Variants in FMR1NB observed in about 807,000 individuals in gnomAD.
FMR1NB encodes FMR1 neighbor.
Under a neutral mutation model 16.8 loss-of-function variants are expected in FMR1NB, and 10 were observed. The observed-to-expected ratio is 0.60, with a 90% CI of 0.37 to 1.01. The LOEUF is 1.01. FMR1NB is among the 50% of genes least tolerant of loss of function. The pLI is 0.01. For synonymous variants in FMR1NB, 83 were observed against 79.1 expected (o/e 1.05, Z -0.26); for missense variants, 205 against 204.8 (o/e 1.00, Z 0.00).
At chrX:148,011,620 G>C (rs1031061165) in intron 4 of FMR1NB, among the ~76,000 whole-genome samples, 1 of 111,494 alleles carries the variant, frequency 9.0e-6, no homozygotes, top group African/African-American at 3.3e-5. Context: ...GTGGAGATCA[G>C]GTTAAGTAGG....
In FMR1NB at chrX:148,014,392, C is replaced by G. The variant is rs2044639696; in HGVS notation, c.632+5681C>G. On this transcript the variant is annotated intron_variant, in intron 4 of 5. Coordinates refer to ENST00000370467, the MANE Select transcript of FMR1NB (RefSeq NM_152578.3). ...GCAATGTCTTGCCAGACTCATCTTC[C>G]TGAAATATCTCTATTTCATTTCATT... 3.6e-5 allele frequency among the ~76,000 whole-genome samples: 4 copies of G among 112,112 alleles called. No homozygotes were observed. The Admixed American group carries it at 3.8e-4, about 11-fold the overall frequency.
intron 5 of FMR1NB, chrX:148,026,072 T>G (rs2044702246): frequency 9.0e-6 from 1 of 111,645 alleles, no homozygotes; most frequent in African/African-American, 3.2e-5. Context: ...CATATTTACT[T>G]AAGGTAACAC....
intron 1 of FMR1NB, among the ~76,000 whole-genome samples, chrX:148,000,353 T>C (rs1165903995): frequency 1.8e-5 from 2 of 111,975 alleles, no homozygotes; most frequent in Non-Finnish European, 3.8e-5. Context: ...CCTATATTGT[T>C]TCATCTGTTT....
intron 4 of FMR1NB, among the ~76,000 whole-genome samples, chrX:148,022,974 A>C (rs1189548328): frequency 9.0e-6 from 1 of 111,641 alleles, no homozygotes; most frequent in African/African-American, 3.3e-5. Flanking sequence ...GCAAACCTAA[A>C]AATTTTGTTG....
chrX:148,007,774 ATATCT>A (rs1220090473), intron 3 of FMR1NB, among the ~76,000 whole-genome samples: 4 of 112,383 alleles, frequency 3.6e-5, no homozygotes, highest in African/African-American at 1.3e-4. Flanking sequence ...ATGCAAAATA[ATATCT>A]TAAGTTAATA....
chrX:147,991,037 T>G (rs1557187564), intron 1 of FMR1NB, among the ~76,000 whole-genome samples: 2 of 111,218 alleles, frequency 1.8e-5, no homozygotes, highest in East Asian at 5.7e-4. Flanking sequence ...ATGAAAGCCT[T>G]TCTTTACTCA....
At chrX:147,992,425 C>A (rs2044514101) in intron 1 of FMR1NB, among the ~76,000 whole-genome samples, 1 of 5,280 alleles carries the variant, frequency 1.9e-4, no homozygotes, top group Non-Finnish European at 2.9e-4. Context: ...GGCAGAGGCA[C>A]CCCTCACCTC....
intron 4 of FMR1NB, 89 bp downstream of exon 4, chrX:148,008,800 C>G: frequency 1.2e-6 from 1 of 811,352 alleles, no homozygotes; most frequent in Non-Finnish European, 1.8e-6. Context: ...TTCAGAAATA[C>G]AGGGATTATG....
chrX:148,011,707 A>G (rs2044626212), intron 4 of FMR1NB, among the ~76,000 whole-genome samples: 1 of 111,401 alleles, frequency 9.0e-6, no homozygotes, highest in Non-Finnish European at 1.9e-5. Context: ...GAGTAGATAG[A>G]GAGGGGTCCT....
intron 1 of FMR1NB, among the ~76,000 whole-genome samples, chrX:147,993,675 G>A (rs1438956588): frequency 2.8e-5 from 3 of 108,564 alleles, no homozygotes; most frequent in Non-Finnish European, 3.8e-5. Context: ...CCTTCACTAA[G>A]GCCTTCCCCT....
At chrX:148,010,085 T>C (rs1468004422) in intron 4 of FMR1NB, among the ~76,000 whole-genome samples, 1 of 107,072 alleles carries the variant, frequency 9.3e-6, no homozygotes, top group African/African-American at 3.7e-5. Flanking sequence ...TTTATGGGGG[T>C]GTTCAGGTCC....
At chrX:147,988,240 A>C (rs2044486648) in intron 1 of FMR1NB, among the ~76,000 whole-genome samples, 1 of 111,351 alleles carries the variant, frequency 9.0e-6, no homozygotes, top group Non-Finnish European at 1.9e-5. Flanking sequence ...GCTTGTCTGT[A>C]AGGATTTTAT....
At chrX:147,994,128 G>T (rs2044529746) in intron 1 of FMR1NB, among the ~76,000 whole-genome samples, 1 of 111,316 alleles carries the variant, frequency 9.0e-6, no homozygotes, top group Admixed American at 9.6e-5. Flanking sequence ...TTGAGCTCCA[G>T]ACCCAAGCCC....
rs187990079 is a variant in FMR1NB, at chrX:147,993,523, G to T, written c.278-9678G>T. Reference sequence around the variant, plus strand: ...CTTTCATTTCTCACCTCCCCACAATGACTTTCCTTTGCTCACTTCACAGGC... The same window carrying T: ...CTTTCATTTCTCACCTCCCCACAATTACTTTCCTTTGCTCACTTCACAGGC... On this transcript the variant is annotated intron_variant, in intron 1 of 5. Coordinates refer to ENST00000370467, the MANE Select transcript of FMR1NB (RefSeq NM_152578.3). Among the ~76,000 whole-genome samples the T allele has an allele frequency of 9.9e-5, 11 of 111,052 alleles. No individual in the cohort carries two copies. In the East Asian group the frequency reaches 3.2e-3, roughly 32 times the overall value.
At chrX:147,982,675 C>T (rs1470065173) in intron 1 of FMR1NB, among the ~76,000 whole-genome samples, 2 of 107,504 alleles carry the variant, frequency 1.9e-5, no homozygotes, top group East Asian at 2.9e-4. Context: ...GGGTGGATCA[C>T]GAGGTCAGGA....
chrX:147,994,787 T>C (rs2044533742), intron 1 of FMR1NB, among the ~76,000 whole-genome samples: 1 of 112,385 alleles, frequency 8.9e-6, no homozygotes, highest in South Asian at 3.6e-4. Context: ...CATTGTTAGA[T>C]TTCCCAGATT....
At position 148,020,822 on chromosome X, in the gene FMR1NB, T is replaced by C. The variant is rs576427913; in HGVS notation, c.633-4043T>C. Among the ~76,000 whole-genome samples the C allele has an allele frequency of 5.4e-5, 6 of 112,032 alleles. No individual in the cohort carries two copies. The Admixed American group carries it at 5.7e-4, about 11-fold the overall frequency. On this transcript the variant is annotated intron_variant, in intron 4 of 5. Transcript: ENST00000370467. ...TCTTCTGAAACAGATGGAAGGAGTC[T>C]CTTTTGGAGCTATGAGTTTTGCAGC...
chrX:148,018,350 T>G (rs1258084329), intron 4 of FMR1NB, among the ~76,000 whole-genome samples: 1 of 111,926 alleles, frequency 8.9e-6, no homozygotes, highest in Admixed American at 9.5e-5. Context: ...TTTTGAGAAG[T>G]GTCTGTTCAT....
At position 147,981,377 on chromosome X, in the gene FMR1NB, G is replaced by A. The variant is rs191218185; in HGVS notation, c.-26G>A. 2.8e-5 allele frequency: 33 copies of A among 1,179,760 alleles called. No homozygotes were observed. Among genetic ancestry groups the A allele is most frequent in the South Asian group, 3.7e-5 (2 of 54,144 alleles). On this transcript the variant is annotated 5_prime_UTR_variant, in exon 1 of 6. Coordinates refer to ENST00000370467, the MANE Select transcript of FMR1NB (RefSeq NM_152578.3). ...CCGGACCGTTGGGCTGTGAGGCAGCGTCTCAGCGAGGCGGCACCCGGAGCC... is the reference window on the plus strand; with the variant it reads ...CCGGACCGTTGGGCTGTGAGGCAGCATCTCAGCGAGGCGGCACCCGGAGCC...
Sources: gnomAD v4.1 joint callset for allele counts (sites outside exome capture counted in the v4.1 genomes callset) on GRCh38, gnomAD v4.1.1 for gene constraint, MANE v1.5 for transcripts, NCBI Gene and HGNC (gene_info 2026-07-23, HGNC 2026-07-21) for gene names.